Variants in EVC observed in about 807,000 individuals in gnomAD.
The protein encoded by EVC is evC complex member EVC.
In EVC, 116 loss-of-function variants were observed where a neutral mutation model predicts 118.9. The observed-to-expected ratio is 0.98, with a 90% CI of 0.84 to 1.14. The LOEUF (loss-of-function observed/expected upper bound fraction) is 1.14. Ranked by LOEUF, EVC falls within the 50% of genes most tolerant of loss-of-function variation. The pLI is 0.00. For synonymous variants in EVC, 619 were observed against 534.7 expected (o/e 1.16, Z -2.18); for missense variants, 1,401 against 1,246.4 (o/e 1.12, Z -1.87).
At chr4:5,801,908 T>C (rs1358611368) in intron 15 of EVC, 42 bp from the exon 16 acceptor site, 2 of 1,607,318 alleles carry the variant, frequency 1.2e-6, no homozygotes, top group Non-Finnish European at 1.7e-6. Context: ...GGCTCCCACG[T>C]GTGACTTCTC....
chr4:5,743,070 A>G lies in EVC; in HGVS notation c.801+1256A>G, dbSNP rs1728848088. On this transcript the variant is annotated intron_variant, in intron 6 of 20. Transcript: ENST00000264956. This position sits in a 1 kb window ranked among gnomAD's most constrained non-coding sequence, Gnocchi z 4.7. Reference sequence around the variant, plus strand: ...ATTTAGAACTTTCTAAAAAGGGGACAGTAACTTCTGGGTTGTTGCCATGGA... The same window carrying G: ...ATTTAGAACTTTCTAAAAAGGGGACGGTAACTTCTGGGTTGTTGCCATGGA... Among the ~76,000 whole-genome samples the G allele has an allele frequency of 1.3e-5, 2 of 152,258 alleles. No homozygotes were observed. The highest frequency in any genetic ancestry group is 2.1e-4 in the South Asian group (1 of 4,834).
chr4:5,825,314 T>A, the EVC span: 2 of 985,094 alleles, frequency 2.0e-6, no homozygotes, highest in African/African-American at 3.5e-5. This position sits in a 1 kb window ranked among gnomAD's most constrained non-coding sequence, Gnocchi z 4.4. Flanking sequence ...CCCCTCTGCT[T>A]GGTGACCATG....
At chr4:5,748,388 T>C (rs1371950792) in intron 8 of EVC, 82 bp downstream of exon 8, 1 of 1,488,046 alleles carries the variant, frequency 6.7e-7, no homozygotes, top group Non-Finnish European at 9.2e-7. Context: ...TCCTTAAATC[T>C]AACAGATTCA....
chr4:5,719,151 G>A lies in EVC; in HGVS notation c.175-97G>A. Reference sequence around the variant, plus strand: ...GGCGAGCAGAAGTGGCTGCTGGACTGGGGGAGTTGACTGGCAAAAGTCACG... The same window carrying A: ...GGCGAGCAGAAGTGGCTGCTGGACTAGGGGAGTTGACTGGCAAAAGTCACG... On this transcript the variant is annotated intron_variant, in intron 1 of 20. Coordinates refer to ENST00000264956, the MANE Select transcript of EVC (RefSeq NM_153717.3). The surrounding 1 kb of genome is among the most constrained non-coding windows in gnomAD (Gnocchi z 4.7). 6.7e-7 allele frequency: 1 copy of A among 1,503,534 alleles called. No homozygotes were observed. The highest frequency in any genetic ancestry group is 9.2e-7 in the Non-Finnish European group (1 of 1,083,974). 93.1% of individuals were successfully genotyped at this position (1,503,534 alleles called of 1,614,324 possible). A position where few individuals can be genotyped will look rare whatever the true frequency, so the allele number is the denominator to read the frequency against.
intron 17 of EVC, among the ~76,000 whole-genome samples, chr4:5,807,379 C>G (rs1279755244): frequency 6.6e-6 from 1 of 152,164 alleles, no homozygotes; most frequent in Non-Finnish European, 1.5e-5. Context: ...GAGGTAGGAG[C>G]AGGGTGGCAT....
At chr4:5,729,681 T>C (rs1259445755) in intron 3 of EVC, among the ~76,000 whole-genome samples, 1 of 152,190 alleles carries the variant, frequency 6.6e-6, no homozygotes, top group Non-Finnish European at 1.5e-5. Context: ...CCGACTCAGT[T>C]CTGAGCGCTA....
intron 8 of EVC, among the ~76,000 whole-genome samples, chr4:5,750,869 C>G (rs1730243669): frequency 6.6e-6 from 1 of 151,970 alleles, no homozygotes; most frequent in Non-Finnish European, 1.5e-5. Context: ...ATACCGGGCA[C>G]CAAAGGGAAA....
At chr4:5,794,646 A>C (rs916385793) in intron 13 of EVC, among the ~76,000 whole-genome samples, 6 of 151,558 alleles carry the variant, frequency 4.0e-5, no homozygotes, top group Non-Finnish European at 8.8e-5. Context: ...CCTAACCTCA[A>C]ATGATCTACC....
At chr4:5,768,245 C>G (rs759608128) in intron 11 of EVC, among the ~76,000 whole-genome samples, 1 of 152,066 alleles carries the variant, frequency 6.6e-6, no homozygotes, top group Admixed American at 6.6e-5. Context: ...CAGGAAATCA[C>G]CAGCATGTTT....
At chr4:5,716,093 A>G (rs1446923328) in intron 1 of EVC, among the ~76,000 whole-genome samples, 1 of 152,202 alleles carries the variant, frequency 6.6e-6, no homozygotes, top group Admixed American at 6.5e-5. Context: ...CTCACCTGGC[A>G]CAGTAAGACC....
intron 11 of EVC, among the ~76,000 whole-genome samples, chr4:5,777,501 G>A (rs1417657163): frequency 6.6e-6 from 1 of 152,098 alleles, no homozygotes; most frequent in East Asian, 1.9e-4. Flanking sequence ...CACTCCCTAG[G>A]TAAAAGCCGC....
At chr4:5,817,433 G>C (rs1022969530), downstream of EVC, among the ~76,000 whole-genome samples, 1 of 152,226 alleles carries the variant, frequency 6.6e-6, no homozygotes, top group Non-Finnish European at 1.5e-5. Flanking sequence ...TGGACGCACA[G>C]CCATGCCACA....
At chr4:5,792,032 G>A (rs1471721987) in intron 12 of EVC, among the ~76,000 whole-genome samples, 2 of 152,208 alleles carry the variant, frequency 1.3e-5, no homozygotes, top group Non-Finnish European at 2.9e-5. Context: ...AGCAGAATAT[G>A]TGACTTCCAA....
intron 7 of EVC, among the ~76,000 whole-genome samples, chr4:5,747,721 T>G (rs1455641589): frequency 6.6e-6 from 1 of 152,242 alleles, no homozygotes; most frequent in African/African-American, 2.4e-5. Context: ...TTTTGTACTT[T>G]TAGGACAATA....
chr4:5,764,333 T>G (rs1401900778), intron 11 of EVC, among the ~76,000 whole-genome samples: 15 of 136,790 alleles, frequency 1.1e-4, no homozygotes, highest in Admixed American at 5.0e-4. Flanking sequence ...TTTGCATCAA[T>G]GTTCATCAAG....
In EVC at chr4:5,778,163, T is replaced by G. The variant is rs544562280; in HGVS notation, c.1564-5389T>G. Among the ~76,000 whole-genome samples, 381 of 151,776 alleles carry G rather than the reference T, an allele frequency of 2.5e-3. 4 individuals are homozygous for G. Among genetic ancestry groups the G allele is most frequent in the African/African-American group, 8.4e-3 (347 of 41,202 alleles). On this transcript the variant is annotated intron_variant, in intron 11 of 20. Transcript: ENST00000264956. ...TTCATCCATGTCCCTACAAAGGACA[T>G]GAACTCATCATTTTTTATGGCTGCA...
chr4:5,801,223 G>A (rs993710728), intron 15 of EVC, among the ~76,000 whole-genome samples: 4 of 152,192 alleles, frequency 2.6e-5, no homozygotes, highest in African/African-American at 9.7e-5. Context: ...TGATGTGACC[G>A]AGGACGAGGG....
chr4:5,800,029 A>G lies in EVC; in HGVS notation c.2304+1237A>G, dbSNP rs538651385. ...AGATTGGAAAATGAGTACCACCACA[A>G]CTTCACAATTACAAAAAAGTAAAAG... On this transcript the variant is annotated intron_variant, in intron 15 of 20. Coordinates refer to ENST00000264956, the MANE Select transcript of EVC (RefSeq NM_153717.3). 1.4e-4 allele frequency among the ~76,000 whole-genome samples: 22 copies of G among 152,292 alleles called. No individual in the cohort carries two copies. In the South Asian group the frequency reaches 4.6e-3, roughly 32 times the overall value.
At chr4:5,821,721 C>T in the EVC span, 1 of 1,547,482 alleles carries the variant, frequency 6.5e-7, no homozygotes. This position sits in a 1 kb window ranked among gnomAD's most constrained non-coding sequence, Gnocchi z 4.4. Context: ...GGACATGATT[C>T]CCAGAATCCT....
Sources: allele counts gnomAD v4.1 joint callset (sites outside exome capture counted in the v4.1 genomes callset), GRCh38; gene constraint gnomAD v4.1.1; non-coding constraint Gnocchi (gnomAD v3.1); transcripts MANE v1.5; gene names NCBI Gene and HGNC (gene_info 2026-07-23, HGNC 2026-07-21).